DIS3L2: variants seen among roughly 807,000 people sequenced by gnomAD.
The protein encoded by DIS3L2 is DIS3-like exonuclease 2.
DIS3L2 carries 34 observed loss-of-function variants against 97.5 expected under a neutral mutation model. That is an observed-to-expected ratio of 0.35 (90% CI 0.27 to 0.46). The LOEUF (loss-of-function observed/expected upper bound fraction) is 0.46, where lower values mean the gene tolerates loss of function less well. Ranked by LOEUF, DIS3L2 falls within the 20% of genes least tolerant of loss-of-function variation. The pLI, the probability that DIS3L2 is intolerant of heterozygous loss-of-function variation, is 1.00. For missense variants in DIS3L2, 1,038 were observed against 1,146.0 expected, an observed-to-expected ratio of 0.91 and a Z score of 1.36; for synonymous variants, 435 against 445.2, an observed-to-expected ratio of 0.98 and a Z score of 0.29.
At chr2:232,190,613 G>A (rs928232806) in intron 9 of DIS3L2, among the ~76,000 whole-genome samples, 6 of 151,478 alleles carry the variant, frequency 4.0e-5, no homozygotes, top group Admixed American at 6.6e-5. Flanking sequence ...AGGAAGGAAG[G>A]AAGAAAGGAA....
At chr2:232,205,760 A>G (rs183428141) in intron 9 of DIS3L2, among the ~76,000 whole-genome samples, 2 of 152,346 alleles carry the variant, frequency 1.3e-5, no homozygotes, top group African/African-American at 4.8e-5. Context: ...CAGCCAAAGC[A>G]AAAAGGAAAA....
chr2:232,301,829 C>T (rs1318782863), intron 14 of DIS3L2, among the ~76,000 whole-genome samples: 1 of 148,452 alleles, frequency 6.7e-6, no homozygotes, highest in Non-Finnish European at 1.5e-5. Context: ...AGAAAATAGC[C>T]TAGCTCTTTT....
chr2:232,242,370 G>A (rs546840273), intron 11 of DIS3L2, among the ~76,000 whole-genome samples: 1 of 152,302 alleles, frequency 6.6e-6, no homozygotes, highest in African/African-American at 2.4e-5. Context: ...GTGTGGGTGG[G>A]GAGCCAGCAA....
chr2:232,343,825 TC>T, exon 14 of DIS3L2: 1 of 420,984 alleles, frequency 2.4e-6, no homozygotes. Flanking sequence ...CCCAATCTTT[TC>T]CCTCAGATTT....
At position 232,333,902 on chromosome 2, in the gene DIS3L2, C is replaced by T. The variant is rs1413182287; in HGVS notation, c.2073C>T (p.Leu691=). 2.5e-6 allele frequency: 4 copies of T among 1,612,832 alleles called. No homozygotes were observed. Among genetic ancestry groups the T allele is most frequent in the Non-Finnish European group, 3.4e-6 (4 of 1,179,936 alleles). The change falls in exon 17 of 21, where the codon CTC becomes CTT. Residue 691 remains leucine (L), a synonymous_variant. Coordinates refer to ENST00000325385, the MANE Select transcript of DIS3L2 (RefSeq NM_152383.5). ...QDPAQFRHYA[L]NVPLYTHFTS... is the part of the protein sequence containing the mutation. ...CAGCGCAGTTCCGGCACTACGCGCT[C>T]AATGTGCCCCTGTACACACACTTCA...
At chr2:232,055,744 C>T (rs763435944) in intron 5 of DIS3L2, among the ~76,000 whole-genome samples, 2 of 152,096 alleles carry the variant, frequency 1.3e-5, no homozygotes, top group East Asian at 3.8e-4. Flanking sequence ...AGCACAGTTA[C>T]AATAGTTTGG....
At chr2:232,106,864 C>T (rs1441332720) in intron 6 of DIS3L2, among the ~76,000 whole-genome samples, 1 of 152,210 alleles carries the variant, frequency 6.6e-6, no homozygotes, top group East Asian at 1.9e-4. Flanking sequence ...AAGTAAAACA[C>T]TCCTCAGCAA....
chr2:231,972,888 G>T (rs754437350), intron 1 of DIS3L2, among the ~76,000 whole-genome samples: 1 of 152,120 alleles, frequency 6.6e-6, no homozygotes, highest in Non-Finnish European at 1.5e-5. Flanking sequence ...ACTTGATTCT[G>T]CCATATTCTT....
chr2:232,136,417 A>G (rs1368165130), intron 7 of DIS3L2, 55 bp from the exon 8 acceptor site: 3 of 1,595,516 alleles, frequency 1.9e-6, no homozygotes, highest in African/African-American at 1.3e-5. Flanking sequence ...ACCTCTCCCA[A>G]GTGTAATTCA....
chr2:232,291,189 G>C (rs1027568913), intron 13 of DIS3L2, among the ~76,000 whole-genome samples: 5 of 152,166 alleles, frequency 3.3e-5, no homozygotes, highest in African/African-American at 1.2e-4. Flanking sequence ...TTAAAGCAAA[G>C]TCCACAGCAT....
intron 1 of DIS3L2, among the ~76,000 whole-genome samples, chr2:232,001,078 G>A (rs905642217): frequency 3.3e-5 from 5 of 152,088 alleles, no homozygotes; most frequent in African/African-American, 1.2e-4. Context: ...CCCAGAAGTG[G>A]AATTCCTGGA....
intron 8 of DIS3L2, among the ~76,000 whole-genome samples, chr2:232,161,303 T>G (rs912163247): frequency 6.6e-6 from 1 of 152,226 alleles, no homozygotes; most frequent in African/African-American, 2.4e-5. Context: ...TCTTCAGTTT[T>G]TTAACGTAGA....
At chr2:232,219,673 G>A (rs943276584) in intron 10 of DIS3L2, among the ~76,000 whole-genome samples, 4 of 152,130 alleles carry the variant, frequency 2.6e-5, no homozygotes, top group Middle Eastern at 3.4e-3. Flanking sequence ...CCCACGTGAG[G>A]CTCACTTCCT....
rs541644197 is a variant in DIS3L2 at position 232,120,389 on chromosome 2, G to A, written c.602-10230G>A. ...CATGGGCAAGCATGTTATTTGGTATGTGTGAGCCTTTAGAGATAAGTTCCC... is the reference window on the plus strand; with the variant it reads ...CATGGGCAAGCATGTTATTTGGTATATGTGAGCCTTTAGAGATAAGTTCCC... On this transcript the variant is annotated intron_variant, in intron 6 of 20. Transcript: ENST00000325385. Among the ~76,000 whole-genome samples the A allele has an allele frequency of 2.0e-5, 3 of 152,274 alleles. No individual in the cohort carries two copies. In the East Asian group the frequency reaches 5.8e-4, roughly 29 times the overall value.
chr2:232,191,801 G>A (rs539791717), intron 9 of DIS3L2, among the ~76,000 whole-genome samples: 2 of 152,194 alleles, frequency 1.3e-5, no homozygotes, highest in Non-Finnish European at 2.9e-5. Flanking sequence ...CCTAGGATAG[G>A]AGTGTTCCCA....
intron 5 of DIS3L2, among the ~76,000 whole-genome samples, chr2:232,064,626 C>G (rs1435289366): frequency 6.6e-6 from 1 of 152,076 alleles, no homozygotes; most frequent in Non-Finnish European, 1.5e-5. Context: ...AAGTGGTTTT[C>G]CAAAGTAGCT....
chr2:232,343,296 C>A, intron 13 of DIS3L2: 1 of 1,498,450 alleles, frequency 6.7e-7, no homozygotes, highest in Non-Finnish European at 9.0e-7. Flanking sequence ...AAAGGCCTAG[C>A]CACATGAAAC....
At chr2:232,107,947 T>G (rs1477562240) in intron 6 of DIS3L2, among the ~76,000 whole-genome samples, 3 of 152,140 alleles carry the variant, frequency 2.0e-5, no homozygotes, top group Admixed American at 2.0e-4. Context: ...GATGGATTTA[T>G]AGCTGAATTC....
At chr2:232,070,587 CTT>C (rs112525730) in intron 5 of DIS3L2, among the ~76,000 whole-genome samples, 29 of 139,506 alleles carry the variant, frequency 2.1e-4, no homozygotes, top group Admixed American at 2.9e-4. Flanking sequence ...GGTTATGGTT[CTT>C]TTTTTTTTTT....
Sources: allele counts gnomAD v4.1 joint callset (sites outside exome capture counted in the v4.1 genomes callset), GRCh38; gene constraint gnomAD v4.1.1; transcripts MANE v1.5; gene names NCBI Gene and HGNC (gene_info 2026-07-23, HGNC 2026-07-21).